Variants in TIMM50 observed in about 807,000 individuals in gnomAD.
TIMM50 encodes the protein mitochondrial import inner membrane translocase subunit TIM50.
TIMM50 carries 34 observed loss-of-function variants against 49.6 expected under a neutral mutation model. The observed-to-expected ratio is 0.69, with a 90% CI of 0.52 to 0.91. The LOEUF (loss-of-function observed/expected upper bound fraction) is 0.91. Ranked by LOEUF, TIMM50 falls within the 40% of genes least tolerant of loss-of-function variation. TIMM50 has a pLI of 0.00. For missense variants in TIMM50, 458 were observed against 477.8 expected (o/e 0.96, Z 0.39); for synonymous variants, 199 against 198.4 (o/e 1.00, Z -0.03).
At position 39,486,337 on chromosome 19, in the gene TIMM50, G is replaced by A. The variant is rs763081440; in HGVS notation, c.597+46G>A. 62 of 1,612,396 alleles carry A rather than the reference G, an allele frequency of 3.8e-5. No homozygotes were observed. The Admixed American group carries it at 5.0e-4, about 13-fold the overall frequency. On this transcript the variant is annotated intron_variant, in intron 7 of 10. Coordinates refer to ENST00000607714, the MANE Select transcript of TIMM50 (RefSeq NM_001001563.5). ...AGGGAATATTGGTGTGGTGGGAGGC[G>A]TAGAGATCTGGAGGACCAGGGCTCA...
rs967972879 is a variant in TIMM50 at position 39,481,792 on chromosome 19, G to A, written c.109-91G>A. 43 of 1,501,134 alleles carry A rather than the reference G, an allele frequency of 2.9e-5. No homozygotes were observed. In the African/African-American group the frequency reaches 5.8e-4, roughly 20 times the overall value. 93.0% of individuals were successfully genotyped at this position (1,501,134 alleles called of 1,614,324 possible). ...AGGGCTCTGTGGGTGTCTGCCTCTT[G>A]GCTCCTGAACTTGATTCTTCTTGGA... On this transcript the variant is annotated intron_variant, in intron 1 of 10. Coordinates refer to ENST00000607714, the MANE Select transcript of TIMM50 (RefSeq NM_001001563.5).
chr19:39,481,912 T>G lies in TIMM50; in HGVS notation c.138T>G (p.Thr46=). Residue 46 remains threonine, a synonymous_variant, in exon 2 of 11, where the codon ACT becomes ACG. Coordinates refer to ENST00000607714, the MANE Select transcript of TIMM50 (RefSeq NM_001001563.5). The stretch of plus-strand genomic sequence containing the variant: ...CAGAGATCGGGAGCCGCGGGAGCAC[T>G]AAGGCGCAAGGGCCACAGCAGCAGC... The part of the protein sequence containing the change: ...QAAEIGSRGS[T]KAQGPQQQPG... The G allele has an allele frequency of 6.2e-7, 1 of 1,613,926 alleles. No homozygotes were observed. The highest frequency in any genetic ancestry group is 8.5e-7 in the Non-Finnish European group (1 of 1,179,952).
At chr19:39,486,154 C>T in intron 6 of TIMM50, 33 bp from the exon 7 acceptor site, 24 of 1,605,040 alleles carry the variant, frequency 1.5e-5, no homozygotes, top group Non-Finnish European at 2.0e-5. Context: ...ACCTCTGGGT[C>T]TTGGTGTTTC....
chr19:39,481,002 T>A (rs903397735), intron 1 of TIMM50, 41 bp downstream of exon 1: 20 of 1,534,654 alleles, frequency 1.3e-5, no homozygotes, highest in Non-Finnish European at 1.6e-5. Flanking sequence ...TGGGGTCCCT[T>A]CCCTGGAGTT....
In TIMM50 at chr19:39,489,772, C is replaced by T. The variant is rs114194716; in HGVS notation, c.1014C>T (p.Phe338=). ...CCAAGTCCAACAAGCAGAACCTCTT[C>T]CTTGGCTCCCTCACCAGCCGCTTGT... ...ELSKSNKQNL[F]LGSLTSRLWP... Residue 338 remains phenylalanine, a synonymous_variant, in exon 11 of 11, where the codon TTC becomes TTT. Coordinates refer to ENST00000607714, the MANE Select transcript of TIMM50 (RefSeq NM_001001563.5). The T allele has an allele frequency of 0.013, 21,434 of 1,612,180 alleles. 201 individuals are homozygous for T. Among genetic ancestry groups the T allele is most frequent in the Non-Finnish European group, 0.015 (17,505 of 1,179,370 alleles).
rs148247631 is a variant in TIMM50 at position 39,488,012 on chromosome 19, G to T, written c.697-49G>T. 357 of 1,573,174 alleles carry T rather than the reference G, an allele frequency of 2.3e-4. 3 individuals carry two copies. In the South Asian group the frequency reaches 3.9e-3, roughly 17 times the overall value. On this transcript the variant is annotated intron_variant, in intron 8 of 10. Transcript: ENST00000607714. ...TTGTGTGTTTTGGGTCTTCTTGATG[G>T]GGGGAGAGTTGGGCACAGATGTTGA... is the stretch of plus-strand genomic sequence containing the variant.
Position 39,485,599 on chromosome 19 carries a change from A to C in TIMM50, c.369A>C (p.Arg123Ser). The C allele has an allele frequency of 6.2e-7, 1 of 1,614,134 alleles. No homozygotes were observed. Among genetic ancestry groups the C allele is most frequent in the Non-Finnish European group, 8.5e-7 (1 of 1,180,028 alleles). Reference protein sequence around the residue: ...RRTYKYFKDYRQMIIEPTSPC... With the variant: ...RRTYKYFKDYSQMIIEPTSPC... ...CATACAAATATTTCAAAGATTATAG[A>C]CAGGTGAGCAGAAGCCCTGGGCTCA... is the stretch of plus-strand genomic sequence containing the variant. The change falls in exon 5 of 11, where the codon AGA (arginine) becomes AGC (serine). Residue 123 changes from arginine (R) to serine (S), a missense_variant. By Grantham distance (110) the Arg-to-Ser change is moderately radical. Transcript: ENST00000607714.
rs11545196 is a variant in TIMM50, at chr19:39,488,611, C to A, written c.926C>A (p.Ala309Glu). 28 of 1,613,662 alleles carry A rather than the reference C, an allele frequency of 1.7e-5. No homozygotes were observed. The Admixed American group carries it at 3.5e-4, about 20-fold the overall frequency. The change falls in exon 10 of 11, where the codon GCG becomes GAG. Residue 309 changes from alanine (A) to glutamate (E), a missense_variant. Coordinates refer to ENST00000607714, the MANE Select transcript of TIMM50 (RefSeq NM_001001563.5). ...TATGCCCTGGAGGATGACCCGCTGGCGGCTTTCAAACAGCGGCAAAGCCGG... is the reference window on the plus strand; with the variant it reads ...TATGCCCTGGAGGATGACCCGCTGGAGGCTTTCAAACAGCGGCAAAGCCGG... ...EHYALEDDPLAAFKQRQSRLE... is the reference protein window; with the variant it reads ...EHYALEDDPLEAFKQRQSRLE...
At chr19:39,483,431 A>T in intron 4 of TIMM50, 1 of 512,152 alleles carries the variant, frequency 2.0e-6, no homozygotes, top group Non-Finnish European at 3.5e-6. Flanking sequence ...CTCCAGACAC[A>T]TGGGTTCCTG....
In TIMM50 at chr19:39,483,068, T is replaced by G. The variant is rs2146150131; in HGVS notation, c.292-67T>G. 6.8e-6 allele frequency: 11 copies of G among 1,612,118 alleles called. No individual in the cohort carries two copies. The South Asian group carries it at 8.8e-5, about 13-fold the overall frequency. The stretch of plus-strand genomic sequence containing the variant: ...TTCCTCTTGGGGTCCTGGAGATTCC[T>G]TTTCTGTATGTGATGGGGTTCTGCC... On this transcript the variant is annotated intron_variant, in intron 3 of 10. Coordinates refer to ENST00000607714, the MANE Select transcript of TIMM50 (RefSeq NM_001001563.5).
chr19:39,484,710 C>T (rs2079493242), intron 4 of TIMM50, among the ~76,000 whole-genome samples: 1 of 152,140 alleles, frequency 6.6e-6, no homozygotes, highest in East Asian at 1.9e-4. Flanking sequence ...GGTTTAGATT[C>T]AGCACACTGG....
At chr19:39,483,077 T>C in intron 3 of TIMM50, 58 bp from the exon 4 acceptor site, 1 of 1,612,758 alleles carries the variant, frequency 6.2e-7, no homozygotes, top group Non-Finnish European at 8.5e-7. Context: ...CTTTTCTGTA[T>C]GTGATGGGGT....
At chr19:39,488,487 C>T in intron 9 of TIMM50, 52 bp from the exon 10 acceptor site, 2 of 1,432,284 alleles carry the variant, frequency 1.4e-6, no homozygotes, top group South Asian at 1.1e-5. Context: ...ATGGGCCCTG[C>T]CTCCCTCTGG....
chr19:39,486,000 C>A, intron 6 of TIMM50, 187 bp from the exon 7 acceptor site: 1 of 1,123,884 alleles, frequency 8.9e-7, no homozygotes, highest in Non-Finnish European at 1.3e-6. Context: ...TGTGCCCAGG[C>A]ACGCTATAAG....
At chr19:39,484,186 A>G (rs2079490102) in intron 4 of TIMM50, among the ~76,000 whole-genome samples, 2 of 152,120 alleles carry the variant, frequency 1.3e-5, no homozygotes, top group African/African-American at 4.8e-5. Context: ...AGGCAGGCCC[A>G]TGTATTGCAC....
intron 4 of TIMM50, 200 bp downstream of exon 4, chr19:39,483,356 T>G (rs2079485318): frequency 1.5e-5 from 9 of 616,802 alleles, no homozygotes; most frequent in African/African-American, 1.9e-5. Flanking sequence ...CCCGAGCAGA[T>G]GGTCAGAGAC....
In TIMM50 at chr19:39,492,312, T is replaced by G. The variant is rs2079550561; in HGVS notation, c.*2492T>G. 1 of 128,470 alleles carries G rather than the reference T, an allele frequency of 7.8e-6. No homozygotes were observed. The highest frequency in any genetic ancestry group is 1.7e-5 in the Non-Finnish European group (1 of 57,866). 8.0% of individuals were successfully genotyped at this position (128,470 alleles called of 1,614,324 possible). A position where few individuals can be genotyped will look rare whatever the true frequency, so the allele number is the denominator to read the frequency against. On this transcript the variant is annotated 3_prime_UTR_variant, in exon 11 of 11. Coordinates refer to ENST00000607714, the MANE Select transcript of TIMM50 (RefSeq NM_001001563.5). ...CTGGGCAACATGGGAAGAGCCTGTC[T>G]CTTGCGGGGGGGGGAGAAGAAAGTT...
At position 39,483,086 on chromosome 19, in the gene TIMM50, G is replaced by A. The variant is rs780555731; in HGVS notation, c.292-49G>A. On this transcript the variant is annotated intron_variant, in intron 3 of 10. Transcript: ENST00000607714. The stretch of plus-strand genomic sequence containing the variant: ...AGATTCCTTTTCTGTATGTGATGGG[G>A]TTCTGCCTCTGACATCCTAAACCTT... The A allele has an allele frequency of 1.9e-6, 3 of 1,613,548 alleles. No individual in the cohort carries two copies. The African/African-American group carries it at 4.0e-5, about 22-fold the overall frequency.
At chr19:39,487,707 C>T (rs1034674839) in intron 8 of TIMM50, among the ~76,000 whole-genome samples, 1 of 152,188 alleles carries the variant, frequency 6.6e-6, no homozygotes, top group Non-Finnish European at 1.5e-5. Context: ...AATCTGCCCA[C>T]CTTGGCCTCC....
Sources: allele counts gnomAD v4.1 joint callset (sites outside exome capture counted in the v4.1 genomes callset), GRCh38; gene constraint gnomAD v4.1.1; transcripts MANE v1.5; gene names NCBI Gene and HGNC (gene_info 2026-07-23, HGNC 2026-07-21).